The following KHDRBS2 variants were observed in gnomAD, a reference collection of about 807,000 sequenced individuals.
KHDRBS2 encodes the protein KH RNA binding domain containing, signal transduction associated 2.
Under a neutral mutation model 44.3 loss-of-function variants are expected in KHDRBS2, and 26 were observed. The observed-to-expected ratio is 0.59, with a 90% CI of 0.43 to 0.81. The LOEUF (loss-of-function observed/expected upper bound fraction) is 0.81. Ranked by LOEUF, KHDRBS2 falls within the 40% of genes least tolerant of loss-of-function variation. The pLI, the probability that KHDRBS2 is intolerant of heterozygous loss-of-function variation, is 0.00. For synonymous variants in KHDRBS2, 194 were observed against 151.1 expected, an observed-to-expected ratio of 1.28 and a Z score of -2.08; for missense variants, 476 against 433.1, an observed-to-expected ratio of 1.10 and a Z score of -0.88.
chr6:62,083,567 G>A (rs561967491), intron 2 of KHDRBS2, among the ~76,000 whole-genome samples: 1 of 152,188 alleles, frequency 6.6e-6, no homozygotes, highest in Non-Finnish European at 1.5e-5. Flanking sequence ...GGGTCCAGGG[G>A]TTTTAGGCAA....
intron 1 of KHDRBS2, among the ~76,000 whole-genome samples, chr6:62,274,118 T>C (rs560974923): frequency 6.6e-6 from 1 of 152,182 alleles, no homozygotes; most frequent in Admixed American, 6.5e-5. Flanking sequence ...GTATTTTTAG[T>C]AGACACGGGG....
At chr6:61,579,007 C>A in the KHDRBS2 span, among the ~76,000 whole-genome samples, 8 of 152,230 alleles carry the variant, frequency 5.3e-5, no homozygotes, top group East Asian at 1.5e-3. Context: ...CAGCTTGTCA[C>A]AAACTATTAA....
chr6:62,190,686 G>T (rs551082), intron 1 of KHDRBS2, among the ~76,000 whole-genome samples: 2 of 151,740 alleles, frequency 1.3e-5, no homozygotes, highest in Non-Finnish European at 2.9e-5. Context: ...AAAACTCAGC[G>T]CATCTCAAAC....
At chr6:61,681,983 A>T (rs1028627562) in intron 8 of KHDRBS2, among the ~76,000 whole-genome samples, 4 of 151,916 alleles carry the variant, frequency 2.6e-5, no homozygotes, top group Non-Finnish European at 5.9e-5. Flanking sequence ...GATTTCATGC[A>T]TGGGTGTGTA....
At chr6:61,673,809 TG>T in the KHDRBS2 span, among the ~76,000 whole-genome samples, 1 of 143,492 alleles carries the variant, frequency 7.0e-6, no homozygotes, top group Admixed American at 7.2e-5. Flanking sequence ...TCCATGCTCA[TG>T]GGTAGGAAGA....
At chr6:61,910,851 G>C (rs559060273) in intron 4 of KHDRBS2, among the ~76,000 whole-genome samples, 2 of 152,188 alleles carry the variant, frequency 1.3e-5, no homozygotes, top group Non-Finnish European at 2.9e-5. Context: ...CATTTGTCTA[G>C]GTAAAGTCAA....
At chr6:61,594,438 C>G in the KHDRBS2 span, among the ~76,000 whole-genome samples, 1 of 152,016 alleles carries the variant, frequency 6.6e-6, no homozygotes, top group African/African-American at 2.4e-5. Flanking sequence ...TTTTTGTAGT[C>G]TTTTCCATAA....
chr6:62,085,571 T>C (rs1353911975), intron 2 of KHDRBS2, among the ~76,000 whole-genome samples: 1 of 152,180 alleles, frequency 6.6e-6, no homozygotes, highest in Non-Finnish European at 1.5e-5. Context: ...AAGAGTTTAA[T>C]GTATAAATGA....
At chr6:61,882,058 G>A (rs1413717399) in intron 6 of KHDRBS2, among the ~76,000 whole-genome samples, 1 of 152,044 alleles carries the variant, frequency 6.6e-6, no homozygotes, top group Admixed American at 6.6e-5. Flanking sequence ...GGAAGAAAGT[G>A]AGAACATTAG....
At chr6:62,202,030 A>AT (rs1827095203) in intron 1 of KHDRBS2, among the ~76,000 whole-genome samples, 1 of 152,102 alleles carries the variant, frequency 6.6e-6, no homozygotes, top group South Asian at 2.1e-4. Context: ...ATAAATATTC[A>AT]TTTTTTAAAA....
chr6:61,745,766 G>A (rs1409441381), intron 6 of KHDRBS2, among the ~76,000 whole-genome samples: 1 of 152,098 alleles, frequency 6.6e-6, no homozygotes, highest in African/African-American at 2.4e-5. Flanking sequence ...GAGAGTTGTT[G>A]TTTCTAAAAG....
At position 61,845,492 on chromosome 6, in the gene KHDRBS2, T is replaced by C. The variant is rs549725951; in HGVS notation, c.810+49143A>G. 2.0e-5 allele frequency among the ~76,000 whole-genome samples: 3 copies of C among 152,258 alleles called. No homozygotes were observed. The South Asian group carries it at 6.2e-4, about 32-fold the overall frequency. ...GCCCAGCTAATTTTTGTATTCTTAG[T>C]AGAGACGGGGTTTCACCCATGTTGG... On this transcript the variant is annotated intron_variant, in intron 6 of 8. Transcript: ENST00000281156.
At chr6:61,619,320 C>T in the KHDRBS2 span, among the ~76,000 whole-genome samples, 1 of 149,376 alleles carries the variant, frequency 6.7e-6, no homozygotes, top group Non-Finnish European at 1.5e-5. Context: ...TCCGTGTACT[C>T]ATAGCTTAGC....
chr6:61,744,917 C>T (rs980472188), intron 6 of KHDRBS2, among the ~76,000 whole-genome samples: 8 of 152,030 alleles, frequency 5.3e-5, no homozygotes, highest in Admixed American at 3.9e-4. Context: ...CATTTACTAC[C>T]GAAACTTTCA....
At chr6:62,011,486 G>A (rs1780278042) in intron 3 of KHDRBS2, among the ~76,000 whole-genome samples, 1 of 152,070 alleles carries the variant, frequency 6.6e-6, no homozygotes, top group Non-Finnish European at 1.5e-5. Context: ...ATGATTTGTG[G>A]AAAATCATTT....
intron 6 of KHDRBS2, among the ~76,000 whole-genome samples, chr6:61,871,402 G>A (rs1241633954): frequency 2.0e-5 from 3 of 151,958 alleles, no homozygotes; most frequent in Non-Finnish European, 4.4e-5. Flanking sequence ...TGAAAGTGAT[G>A]GGGAGAATGG....
intron 1 of KHDRBS2, among the ~76,000 whole-genome samples, chr6:62,186,865 C>CAT (rs1823538656): frequency 6.6e-6 from 1 of 151,862 alleles, no homozygotes; most frequent in South Asian, 2.1e-4. Context: ...ATACTCATTC[C>CAT]ATATATATCT....
Position 61,922,442 on chromosome 6 carries a change from A to G in KHDRBS2, c.484-21071T>C, listed in dbSNP as rs147137245. Among the ~76,000 whole-genome samples the G allele has an allele frequency of 6.2e-3, 945 of 152,218 alleles. 6 individuals are homozygous for G. The highest frequency in any genetic ancestry group is 0.011 in the Non-Finnish European group (746 of 67,988). ...GGTGATTAGACTTCCAGAAAGAACA[A>G]CAAAGAGCTGCAAAAACAGACAACA... On this transcript the variant is annotated intron_variant, in intron 4 of 8. Coordinates refer to ENST00000281156, the MANE Select transcript of KHDRBS2 (RefSeq NM_152688.4).
intron 3 of KHDRBS2, among the ~76,000 whole-genome samples, chr6:61,986,671 G>T (rs1418362453): frequency 2.6e-5 from 4 of 152,156 alleles, no homozygotes; most frequent in Non-Finnish European, 4.4e-5. Flanking sequence ...AGTTCTGAAG[G>T]TTGGGAAATC....
Sources: gnomAD v4.1 joint callset for allele counts (sites outside exome capture counted in the v4.1 genomes callset) on GRCh38, gnomAD v4.1.1 for gene constraint, MANE v1.5 for transcripts, NCBI Gene and HGNC (gene_info 2026-07-23, HGNC 2026-07-21) for gene names.